The following YRDC variants were observed in gnomAD, a reference collection of about 807,000 sequenced individuals.
YRDC encodes the protein threonylcarbamoyl-AMP synthase.
In YRDC, 17 loss-of-function variants were observed where a neutral mutation model predicts 21.5. The ratio of observed to expected loss-of-function variants is 0.79; its 90% CI spans 0.54 to 1.19. The LOEUF (loss-of-function observed/expected upper bound fraction) is 1.19, where lower values mean the gene tolerates loss of function less well. Among genes scored for constraint, YRDC ranks in the 50% most tolerant of loss-of-function variants. YRDC has a pLI of 0.00. For missense variants in YRDC, 380 were observed against 397.1 expected, an observed-to-expected ratio of 0.96 and a Z score of 0.37; for synonymous variants, 193 against 176.7, an observed-to-expected ratio of 1.09 and a Z score of -0.73.
rs527595627 is a variant in YRDC, at chr1:37,807,034, C to G, written c.505-58G>C. 2.2e-5 allele frequency: 35 copies of G among 1,613,934 alleles called. No individual in the cohort carries two copies. The South Asian group carries it at 2.3e-4, about 11-fold the overall frequency. ...GGTTGGAAGGGATAAGAGGGTAAGT[C>G]TTATCTGGATCCTAGTGAAAGCCAA... On this transcript the variant is annotated intron_variant, in intron 2 of 4. Coordinates refer to ENST00000373044, the MANE Select transcript of YRDC (RefSeq NM_024640.4).
Position 37,806,972 on chromosome 1 carries a change from A to C in YRDC, c.509T>G (p.Val170Gly). 6.2e-7 allele frequency: 1 copy of C among 1,614,224 alleles called. No individual in the cohort carries two copies. The highest frequency in any genetic ancestry group is 8.5e-7 in the Non-Finnish European group (1 of 1,180,040). ...NKDLNPFTPL[V>G]GIRIPDHAFM... ...AGCATGATCAGGAATCCGAATGCCT[A>C]CAAGCTGTAAGGCAAGGGGAAAGGG... Residue 170 changes from valine (V) to glycine (G), a missense_variant, in exon 3 of 5, where the codon GTA becomes GGA. By Grantham distance (109) the Val-to-Gly change is moderately radical. Coordinates refer to ENST00000373044, the MANE Select transcript of YRDC (RefSeq NM_024640.4).
chr1:37,807,663 C>T, intron 1 of YRDC, 129 bp downstream of exon 1: 1 of 1,339,440 alleles, frequency 7.5e-7, no homozygotes, highest in Non-Finnish European at 9.6e-7. Flanking sequence ...GTACATATTT[C>T]CAGTTCCGGA....
At position 37,804,344 on chromosome 1, in the gene YRDC, TCAAC is replaced by T. The variant is rs747256043; in HGVS notation, c.721_724del (p.Val241IlefsTer72). On this transcript the variant is annotated frameshift_variant, in exon 4 of 5. Transcript: ENST00000373044. LOFTEE classifies it high-confidence loss of function. ...GCCAAACTTTCCGGGCACAGACAAATCAACCACAGTTGAGCCAAGGCGACACTCG... is the reference window on the plus strand; with the variant it reads ...GCCAAACTTTCCGGGCACAGACAAATCACAGTTGAGCCAAGGCGACACTCG... 1.9e-6 allele frequency: 3 copies of T among 1,614,110 alleles called. No individual in the cohort carries two copies. The highest frequency in any genetic ancestry group is 1.1e-5 in the South Asian group (1 of 91,074).
rs1271911691 is a variant in YRDC, at chr1:37,808,075, G to A, written c.106C>T (p.Pro36Ser). ...CCGGGGGCCGCCGGAGCGGGACTCG[G>A]CGGGCGGAAGAGGCGACCGCTCCGG... ...GSRSGRLFRP[P>S]SPAPAAPGAR... Residue 36 changes from proline (P) to serine (S), a missense_variant, in exon 1 of 5, where the codon CCG becomes TCG. Around this residue, in one of 3 missense-constraint regions of YRDC, gnomAD observed 91 missense variants for 64.7 expected, o/e 1.41. Transcript: ENST00000373044. 1.5e-6 allele frequency: 2 copies of A among 1,360,748 alleles called. No individual in the cohort carries two copies. The highest frequency in any genetic ancestry group is 1.5e-5 in the African/African-American group (1 of 65,620). The allele number at this position is 1,360,748 out of a possible 1,614,324, so 84.3% of individuals were successfully genotyped here. A position where few individuals can be genotyped will look rare whatever the true frequency, so the allele number is the denominator to read the frequency against.
chr1:37,807,688 T>G (rs1327646132), intron 1 of YRDC, 104 bp downstream of exon 1: 2 of 1,348,032 alleles, frequency 1.5e-6, no homozygotes, highest in East Asian at 2.9e-5. Flanking sequence ...TTGGTGAGCC[T>G]GGACAAGCCC....
Position 37,807,870 on chromosome 1 carries a change from C to T in YRDC, c.311G>A (p.Arg104His), listed in dbSNP as rs1646751830. The T allele has an allele frequency of 6.8e-7, 1 of 1,471,820 alleles. No homozygotes were observed. Among genetic ancestry groups the T allele is most frequent in the South Asian group, 1.2e-5 (1 of 80,020 alleles). 91.2% of individuals were successfully genotyped at this position (1,471,820 alleles called of 1,614,324 possible). ...GCGACCCTTGAGGCGGTACACAGCG[C>T]GCAGAGCCGCCGAGCAGCTCGCCGC... is the stretch of plus-strand genomic sequence containing the variant. Reference protein sequence around the residue: ...ACAASCSAALRAVYRLKGRSE... With the variant: ...ACAASCSAALHAVYRLKGRSE... The change falls in exon 1 of 5, where the codon CGC becomes CAC. Residue 104 changes from arginine (R) to histidine (H), a missense_variant. Transcript: ENST00000373044.
intron 3 of YRDC, among the ~76,000 whole-genome samples, chr1:37,805,923 T>C (rs1646731756): frequency 6.6e-6 from 1 of 152,242 alleles, no homozygotes; most frequent in African/African-American, 2.4e-5. Context: ...ATACTATGTG[T>C]GATACTATGT....
At chr1:37,806,404 G>C (rs1646736602) in intron 3 of YRDC, among the ~76,000 whole-genome samples, 1 of 152,168 alleles carries the variant, frequency 6.6e-6, no homozygotes, top group African/African-American at 2.4e-5. Context: ...GTTTTGCCAT[G>C]TTAGCCAGGC....
In YRDC at chr1:37,808,159, T is replaced by C. The variant is rs981127848; in HGVS notation, c.22A>G (p.Arg8Gly). ...GCAGCCACCGCGGCCCTCATCCCCC[T>C]GCACCGACGCGCCGGAGACATCCGC... MSPARRCRGMRAAVAASV... is the reference protein window; with the variant it reads MSPARRCGGMRAAVAASV... Residue 8 changes from arginine to glycine, a missense_variant, in exon 1 of 5, where the codon AGG becomes GGG. Arg to Gly is a moderately radical substitution (Grantham distance 125). Around this residue, in one of 3 missense-constraint regions of YRDC, gnomAD observed 91 missense variants for 64.7 expected, o/e 1.41. Coordinates refer to ENST00000373044, the MANE Select transcript of YRDC (RefSeq NM_024640.4). The C allele has an allele frequency of 5.5e-6, 8 of 1,460,916 alleles. No homozygotes were observed. The Admixed American group carries it at 1.5e-4, about 27-fold the overall frequency. 90.5% of individuals were successfully genotyped at this position (1,460,916 alleles called of 1,614,324 possible). A position where few individuals can be genotyped will look rare whatever the true frequency, so the allele number is the denominator to read the frequency against.
rs1445055618 is a variant in YRDC, at chr1:37,803,769, G to A, written c.*156C>T. The A allele has an allele frequency of 1.3e-5, 9 of 667,560 alleles. No individual in the cohort carries two copies. The highest frequency in any genetic ancestry group is 2.0e-5 in the Non-Finnish European group (8 of 400,956). 41.4% of individuals were successfully genotyped at this position (667,560 alleles called of 1,614,324 possible). On this transcript the variant is annotated 3_prime_UTR_variant, in exon 5 of 5. Transcript: ENST00000373044. ...TGCAAGGCTAAACCAGCAGCTCCAA[G>A]GGCTTGGTCTACAGTGCTCAGAAAG...
chr1:37,806,366 A>G (rs1646735747), intron 3 of YRDC, among the ~76,000 whole-genome samples: 1 of 152,026 alleles, frequency 6.6e-6, no homozygotes, highest in Non-Finnish European at 1.5e-5. Flanking sequence ...ATGTCTGGCT[A>G]ATCTTTGTAT....
At position 37,804,001 on chromosome 1, in the gene YRDC, A is replaced by C. The variant is rs748330053; in HGVS notation, c.768-4T>G. 3.1e-6 allele frequency: 5 copies of C among 1,614,054 alleles called. No homozygotes were observed. In the South Asian group the frequency reaches 5.5e-5, roughly 18 times the overall value. On this transcript the variant is annotated splice_region_variant and splice_polypyrimidine_tract_variant and intron_variant, in intron 4 of 4. Coordinates refer to ENST00000373044, the MANE Select transcript of YRDC (RefSeq NM_024640.4). ...GGCTGTAGTACTTTCCAGGGCACTG[A>C]GGAGGAAACAGGACAGTTACCAGTC... is the stretch of plus-strand genomic sequence containing the variant.
chr1:37,803,826 T>C lies in YRDC; in HGVS notation c.*99A>G. On this transcript the variant is annotated 3_prime_UTR_variant, in exon 5 of 5. Coordinates refer to ENST00000373044, the MANE Select transcript of YRDC (RefSeq NM_024640.4). ...TGCCTTAAAAGTCAGGCTAGTGCCCTAGCTCCGGTGGCCTCTGCAAATGAG... is the reference window on the plus strand; with the variant it reads ...TGCCTTAAAAGTCAGGCTAGTGCCCCAGCTCCGGTGGCCTCTGCAAATGAG... The C allele has an allele frequency of 7.4e-7, 1 of 1,354,952 alleles. No homozygotes were observed. Among genetic ancestry groups the C allele is most frequent in the South Asian group, 1.3e-5 (1 of 79,566 alleles). 83.9% of individuals were successfully genotyped at this position (1,354,952 alleles called of 1,614,324 possible).
At position 37,804,367 on chromosome 1, in the gene YRDC, A is replaced by C. The variant is rs140454896; in HGVS notation, c.702T>G (p.Cys234Trp). 39 of 1,614,088 alleles carry C rather than the reference A, an allele frequency of 2.4e-5. No individual in the cohort carries two copies. In the African/African-American group the frequency reaches 5.2e-4, roughly 22 times the overall value. Residue 234 changes from cysteine (C) to tryptophan (W), a missense_variant, in exon 4 of 5, where the codon TGT becomes TGG. Coordinates refer to ENST00000373044, the MANE Select transcript of YRDC (RefSeq NM_024640.4). Reference protein sequence around the residue: ...GQIGDGQSPECRLGSTVVDLS... With the variant: ...GQIGDGQSPEWRLGSTVVDLS... The stretch of plus-strand genomic sequence containing the variant: ...AATCAACCACAGTTGAGCCAAGGCG[A>C]CACTCGGGGCTCTGGCCATCCCCAA...
chr1:37,806,648 C>T (rs1301844746), intron 3 of YRDC, among the ~76,000 whole-genome samples: 1 of 152,164 alleles, frequency 6.6e-6, no homozygotes, highest in African/African-American at 2.4e-5. Context: ...CAATTCTCCC[C>T]CTGGCTTTTC....
rs976872149 is a variant in YRDC at position 37,807,380 on chromosome 1, G to A, written c.390-165C>T. 4.2e-5 allele frequency: 29 copies of A among 694,282 alleles called. No individual in the cohort carries two copies. In the South Asian group the frequency reaches 5.4e-4, roughly 13 times the overall value. 43.0% of individuals were successfully genotyped at this position (694,282 alleles called of 1,614,324 possible). A position where few individuals can be genotyped will look rare whatever the true frequency, so the allele number is the denominator to read the frequency against. ...AGCTTGAGCAGAAAGCAGGGCTCCA[G>A]AGGCGCACCCCTGGCTTGACGCCCA... is the stretch of plus-strand genomic sequence containing the variant. On this transcript the variant is annotated intron_variant, in intron 1 of 4. Transcript: ENST00000373044.
chr1:37,804,153 T>G, intron 4 of YRDC, 149 bp downstream of exon 4: 1 of 1,430,840 alleles, frequency 7.0e-7, no homozygotes. Flanking sequence ...GCCAGGAAAC[T>G]TAGTCCCACT....
rs748240133 is a variant in YRDC, at chr1:37,803,934, G to A, written c.831C>T (p.Ser277=). 2 of 1,614,006 alleles carry A rather than the reference G, an allele frequency of 1.2e-6. No individual in the cohort carries two copies. Among genetic ancestry groups the A allele is most frequent in the African/African-American group, 2.7e-5 (2 of 74,932 alleles). Residue 277 remains serine (S), a synonymous_variant, in exon 5 of 5, where the codon TCC becomes TCT. Transcript: ENST00000373044. ...QKYGLLPSHA[S]YL ...CCTGCTTCCCAGAGTTTCACAGGTA[G>A]GACGCATGTGAGGGGAGCAGTCCGT...
chr1:37,808,173 G>A lies in YRDC; in HGVS notation c.8C>T (p.Pro3Leu), dbSNP rs949471570. MS[P>L]ARRCRGMRAA... The stretch of plus-strand genomic sequence containing the variant: ...CCTCATCCCCCTGCACCGACGCGCC[G>A]GAGACATCCGCCCAGGCCCGCTTCC... The change falls in exon 1 of 5, where the codon CCG (proline) becomes CTG (leucine). Residue 3 changes from proline (P) to leucine (L), a missense_variant. Pro to Leu is a moderately conservative substitution (Grantham distance 98, BLOSUM62 -3). This residue lies in a region of YRDC where 91 missense variants were observed against 64.7 expected (regional missense o/e 1.41). Transcript: ENST00000373044. 2.8e-5 allele frequency: 41 copies of A among 1,453,684 alleles called. No individual in the cohort carries two copies. Among genetic ancestry groups the A allele is most frequent in the Non-Finnish European group, 3.7e-5 (41 of 1,107,130 alleles). 90.0% of individuals were successfully genotyped at this position (1,453,684 alleles called of 1,614,324 possible). A position where few individuals can be genotyped will look rare whatever the true frequency, so the allele number is the denominator to read the frequency against.
Sources: allele counts gnomAD v4.1 joint callset (sites outside exome capture counted in the v4.1 genomes callset), GRCh38; gene constraint gnomAD v4.1.1; regional missense constraint gnomAD v4.1.1; transcripts MANE v1.5; gene names NCBI Gene and HGNC (gene_info 2026-07-23, HGNC 2026-07-21).